Variants in GRID2 observed in about 807,000 individuals in gnomAD.
The protein encoded by GRID2 is glutamate ionotropic receptor delta type subunit 2.
In GRID2, 33 loss-of-function variants were observed where a neutral mutation model predicts 114.8. The ratio of observed to expected loss-of-function variants is 0.29; its 90% CI spans 0.22 to 0.38. GRID2 has a LOEUF of 0.38. GRID2 is among the 10% of genes least tolerant of loss of function. The probability of loss-of-function intolerance (pLI) is 1.00; values close to 1 mark genes in which losing one functional copy is unlikely to be tolerated. For synonymous variants in GRID2, 505 were observed against 449.9 expected (o/e 1.12, Z -1.55); for missense variants, 1,184 against 1,257.7 (o/e 0.94, Z 0.89).
At chr4:93,698,805 T>G (rs1047847801) in intron 14 of GRID2, among the ~76,000 whole-genome samples, 1 of 152,086 alleles carries the variant, frequency 6.6e-6, no homozygotes, top group Non-Finnish European at 1.5e-5. Flanking sequence ...AGAATCCTGT[T>G]TAACAGAAGT....
chr4:92,732,413 G>C (rs955239069), intron 2 of GRID2, among the ~76,000 whole-genome samples: 6 of 152,006 alleles, frequency 3.9e-5, no homozygotes, highest in African/African-American at 1.4e-4. Context: ...ATGTGCTAGA[G>C]TTAAAATGAT....
chr4:92,540,271 G>A lies in GRID2; in HGVS notation c.89-49860G>A, dbSNP rs1419346536. Among the ~76,000 whole-genome samples the A allele has an allele frequency of 2.0e-5, 3 of 152,134 alleles. No individual in the cohort carries two copies. In the East Asian group the frequency reaches 5.8e-4, roughly 29 times the overall value. On this transcript the variant is annotated intron_variant, in intron 1 of 15. Coordinates refer to ENST00000282020, the MANE Select transcript of GRID2 (RefSeq NM_001510.4). ...CATGTCTAAAACACCAAAAGCAACG[G>A]CAACAAAAGCCAAAATTGACAAATG... is the stretch of plus-strand genomic sequence containing the variant.
chr4:92,657,211 T>C (rs1732285638), intron 2 of GRID2, among the ~76,000 whole-genome samples: 2 of 150,836 alleles, frequency 1.3e-5, no homozygotes, highest in Non-Finnish European at 3.0e-5. Context: ...TTACTACTTT[T>C]ATCAATATAC....
chr4:92,761,925 T>G (rs925341311), intron 2 of GRID2, among the ~76,000 whole-genome samples: 3 of 152,178 alleles, frequency 2.0e-5, no homozygotes, highest in African/African-American at 7.2e-5. Flanking sequence ...AAGTTGTTTT[T>G]TATTTTTGTT....
chr4:92,876,381 C>G (rs573830002), intron 2 of GRID2, among the ~76,000 whole-genome samples: 1 of 152,050 alleles, frequency 6.6e-6, no homozygotes, highest in African/African-American at 2.4e-5. Context: ...TCACTGCAAG[C>G]TCCGCCCCAG....
intron 1 of GRID2, among the ~76,000 whole-genome samples, chr4:92,531,085 T>C (rs1336055320): frequency 6.6e-6 from 1 of 152,152 alleles, no homozygotes; most frequent in Admixed American, 6.6e-5. Flanking sequence ...TTGGATTTTA[T>C]TTAAAATCAA....
intron 1 of GRID2, among the ~76,000 whole-genome samples, chr4:92,430,290 G>A (rs1052723691): frequency 3.1e-4 from 47 of 152,182 alleles, no homozygotes; most frequent in Non-Finnish European, 6.6e-4. Context: ...TATGTGGTGA[G>A]AGATAGGGGT....
intron 2 of GRID2, among the ~76,000 whole-genome samples, chr4:92,991,138 T>G (rs1160132449): frequency 6.6e-6 from 1 of 152,190 alleles, no homozygotes; most frequent in Non-Finnish European, 1.5e-5. Context: ...TTTATGAATA[T>G]TAAGCATTAA....
chr4:93,092,356 A>G (rs1016233739), intron 3 of GRID2, among the ~76,000 whole-genome samples: 2 of 152,080 alleles, frequency 1.3e-5, no homozygotes, highest in African/African-American at 4.8e-5. Context: ...ACGACCTAAA[A>G]AAGTATCTAC....
chr4:93,452,546 A>G (rs1215256715), intron 10 of GRID2, among the ~76,000 whole-genome samples: 1 of 152,112 alleles, frequency 6.6e-6, no homozygotes, highest in African/African-American at 2.4e-5. Context: ...AGTATCTGAA[A>G]TAGAGAGAGA....
intron 2 of GRID2, among the ~76,000 whole-genome samples, chr4:92,732,188 G>A (rs1374624655): frequency 2.0e-5 from 3 of 151,864 alleles, no homozygotes; most frequent in Non-Finnish European, 2.9e-5. Context: ...AGGAGTAAAT[G>A]TGAAAATGGA....
chr4:92,908,976 G>A (rs1158421023), intron 2 of GRID2, among the ~76,000 whole-genome samples: 3 of 152,220 alleles, frequency 2.0e-5, no homozygotes, highest in Middle Eastern at 3.4e-3. Flanking sequence ...AATTTGCTGA[G>A]TAAAAGATTA....
intron 2 of GRID2, among the ~76,000 whole-genome samples, chr4:92,741,309 T>G (rs1254216489): frequency 6.6e-6 from 1 of 152,138 alleles, no homozygotes; most frequent in East Asian, 1.9e-4. Context: ...TTGCACCATA[T>G]AAGATTCAGA....
chr4:93,590,488 T>C (rs1373892727), intron 13 of GRID2, among the ~76,000 whole-genome samples: 2 of 150,650 alleles, frequency 1.3e-5, no homozygotes, highest in African/African-American at 4.9e-5. Context: ...TCAGGTAGTG[T>C]GATGCCTCCA....
At chr4:93,344,984 A>AGTGTGTGTGT (rs35018148) in intron 8 of GRID2, among the ~76,000 whole-genome samples, 24 of 142,498 alleles carry the variant, frequency 1.7e-4, no homozygotes, top group African/African-American at 3.6e-4. Context: ...GTTGTATTCT[A>AGTGTGTGTGT]GTGTGTGTGT....
intron 2 of GRID2, among the ~76,000 whole-genome samples, chr4:92,966,254 A>G (rs1753148067): frequency 1.3e-5 from 2 of 151,954 alleles, no homozygotes; most frequent in African/African-American, 4.8e-5. Flanking sequence ...AAAATGCAGG[A>G]TGTTAAGGAG....
intron 2 of GRID2, among the ~76,000 whole-genome samples, chr4:92,711,512 C>T (rs1735248998): frequency 1.3e-5 from 2 of 152,274 alleles, no homozygotes; most frequent in South Asian, 4.2e-4. Flanking sequence ...CCTTGTGGTC[C>T]CATCCATTTC....
chr4:93,171,172 T>G (rs1738782857), intron 4 of GRID2, among the ~76,000 whole-genome samples: 1 of 152,226 alleles, frequency 6.6e-6, no homozygotes, highest in Non-Finnish European at 1.5e-5. Flanking sequence ...TTCAACCCAT[T>G]ACCTTTCTGA....
intron 2 of GRID2, among the ~76,000 whole-genome samples, chr4:92,604,120 G>A (rs182822278): frequency 6.5e-4 from 99 of 152,240 alleles, no homozygotes; most frequent in African/African-American, 2.2e-3. Flanking sequence ...CATTGTGGAA[G>A]ACAGTGTGGC....
Sources: gnomAD v4.1 joint callset for allele counts (sites outside exome capture counted in the v4.1 genomes callset) on GRCh38, gnomAD v4.1.1 for gene constraint, MANE v1.5 for transcripts, NCBI Gene and HGNC (gene_info 2026-07-23, HGNC 2026-07-21) for gene names.